The following CEP128 variants were observed in gnomAD, a reference collection of about 807,000 sequenced individuals.
CEP128 encodes centrosomal protein 128kDa.
A neutral mutation model predicts 156.7 loss-of-function variants in CEP128; 132 were observed. That is an observed-to-expected ratio of 0.84 (90% CI 0.73 to 0.97). The LOEUF is 0.97. Among genes scored for constraint, CEP128 ranks in the 50% least tolerant of loss-of-function variants. The probability of loss-of-function intolerance (pLI) is 0.00; values close to 1 mark genes in which losing one functional copy is unlikely to be tolerated. For synonymous variants in CEP128, 469 were observed against 448.9 expected (o/e 1.04, Z -0.57); for missense variants, 1,252 against 1,281.9 (o/e 0.98, Z 0.36).
chr14:80,921,962 A>C (rs934996300), intron 2 of CEP128, among the ~76,000 whole-genome samples: 14 of 109,368 alleles, frequency 1.3e-4, no homozygotes, highest in Non-Finnish European at 2.1e-4. Context: ...ACTCCATCCC[A>C]AAAAAAAAAA....
intron 19 of CEP128, among the ~76,000 whole-genome samples, chr14:80,596,102 A>G (rs184449281): frequency 1.3e-5 from 2 of 151,952 alleles, no homozygotes; most frequent in African/African-American, 2.4e-5. Flanking sequence ...CAGAACATAG[A>G]CAGAAAAAAA....
chr14:80,612,999 C>T (rs917500225), intron 19 of CEP128, among the ~76,000 whole-genome samples: 3 of 140,512 alleles, frequency 2.1e-5, no homozygotes, highest in South Asian at 2.5e-4. Flanking sequence ...CGCCGCCACA[C>T]CCGGCGAATT....
intron 19 of CEP128, among the ~76,000 whole-genome samples, chr14:80,584,352 GA>G (rs1156581940): frequency 6.6e-6 from 1 of 151,902 alleles, no homozygotes; most frequent in Non-Finnish European, 1.5e-5. Flanking sequence ...TACCATGTTA[GA>G]TGGGCTGGTC....
intron 19 of CEP128, among the ~76,000 whole-genome samples, chr14:80,673,671 A>AAAAAAT (rs1895944752): frequency 2.1e-5 from 3 of 146,002 alleles, no homozygotes; most frequent in Non-Finnish European, 3.0e-5. Flanking sequence ...AAAAAAAAAA[A>AAAAAAT]TGTACTAAAG....
rs192952877 is a variant in CEP128, at chr14:80,768,584, T to C, written c.2377-6971A>G. Reference sequence around the variant, plus strand: ...GGGGAAGAAGTTATGATTAATAGCGTTAAGAGTATGCAAGAGCCTTAGTAA... The same window carrying C: ...GGGGAAGAAGTTATGATTAATAGCGCTAAGAGTATGCAAGAGCCTTAGTAA... On this transcript the variant is annotated intron_variant, in intron 16 of 24. Coordinates refer to ENST00000555265, the MANE Select transcript of CEP128 (RefSeq NM_152446.5). Among the ~76,000 whole-genome samples, 4 of 152,282 alleles carry C rather than the reference T, an allele frequency of 2.6e-5. No homozygotes were observed. The East Asian group carries it at 7.7e-4, about 29-fold the overall frequency.
chr14:80,614,732 C>G (rs912770964), intron 19 of CEP128, among the ~76,000 whole-genome samples: 1 of 152,160 alleles, frequency 6.6e-6, no homozygotes, highest in African/African-American at 2.4e-5. Context: ...GTGTTATCTC[C>G]TCTAAATATT....
At chr14:80,940,120 T>C (rs1886062470) in intron 1 of CEP128, among the ~76,000 whole-genome samples, 1 of 151,962 alleles carries the variant, frequency 6.6e-6, no homozygotes, top group Admixed American at 6.6e-5. Context: ...GAACTGGGAG[T>C]TGTCTACATA....
rs137986253 is a variant in CEP128 at position 80,770,459 on chromosome 14, T to C, written c.2376+7423A>G. Among the ~76,000 whole-genome samples the C allele has an allele frequency of 6.9e-3, 1,055 of 152,290 alleles. 10 individuals are homozygous for C. Among genetic ancestry groups the C allele is most frequent in the African/African-American group, 0.024 (990 of 41,562 alleles). On this transcript the variant is annotated intron_variant, in intron 16 of 24. Transcript: ENST00000555265. Reference sequence around the variant, plus strand: ...TGCATTCTATACTGTTTTCTTAACATCTGACATTACATTTCATAAATGGGA... The same window carrying C: ...TGCATTCTATACTGTTTTCTTAACACCTGACATTACATTTCATAAATGGGA...
intron 6 of CEP128, among the ~76,000 whole-genome samples, chr14:80,901,730 T>C (rs1424393000): frequency 6.6e-6 from 1 of 152,206 alleles, no homozygotes; most frequent in Non-Finnish European, 1.5e-5. Context: ...TCAAGACCTT[T>C]CCATTTTATC....
At chr14:80,817,476 T>A (rs966539814) in intron 13 of CEP128, among the ~76,000 whole-genome samples, 1 of 152,100 alleles carries the variant, frequency 6.6e-6, no homozygotes, top group Admixed American at 6.6e-5. Context: ...AAGAAAAACA[T>A]TTTTTTAAAA....
At chr14:80,596,754 G>A (rs1298591887) in intron 19 of CEP128, among the ~76,000 whole-genome samples, 1 of 122,896 alleles carries the variant, frequency 8.1e-6, no homozygotes, top group Non-Finnish European at 1.6e-5. Context: ...GGAGTTGGTG[G>A]CTATGTTCTC....
downstream of CEP128, among the ~76,000 whole-genome samples, chr14:80,492,901 T>C (rs1887371912): frequency 6.6e-6 from 1 of 152,092 alleles, no homozygotes; most frequent in Non-Finnish European, 1.5e-5. Context: ...CCTCAGAATA[T>C]TTTTTTACTT....
downstream of CEP128, among the ~76,000 whole-genome samples, chr14:80,493,296 A>G (rs2044774): frequency 0.79 from 119,446 of 152,126 alleles, 49,082 homozygotes; most frequent in Middle Eastern, 0.9. Flanking sequence ...AAGTACAGGT[A>G]ATAAATATTG....
At chr14:80,641,832 T>G (rs1449049068) in intron 19 of CEP128, among the ~76,000 whole-genome samples, 4 of 151,948 alleles carry the variant, frequency 2.6e-5, no homozygotes, top group Admixed American at 2.0e-4. Flanking sequence ...AGACAAAATA[T>G]TATACAAAGA....
chr14:80,785,132 C>A lies in CEP128; in HGVS notation c.1974G>T (p.Lys658Asn). The A allele has an allele frequency of 6.2e-7, 1 of 1,614,122 alleles. No individual in the cohort carries two copies. Among genetic ancestry groups the A allele is most frequent in the Non-Finnish European group, 8.5e-7 (1 of 1,179,978 alleles). ...ANKLAEEERA[K>N]KAVLKDLSDL... The stretch of plus-strand genomic sequence containing the variant: ...CAGAAAGGTCCTTAAGCACTGCTTT[C>A]TTGGCTCTCTCTTCCTCAGCCAATT... The change falls in exon 15 of 25, where the codon AAG (lysine) becomes AAT (asparagine). Residue 658 changes from lysine (K) to asparagine (N), a missense_variant. Physicochemically the swap from Lys to Asn is moderately conservative, Grantham distance 94 (BLOSUM62 0). Coordinates refer to ENST00000555265, the MANE Select transcript of CEP128 (RefSeq NM_152446.5).
chr14:80,576,275 A>C (rs1891351474), intron 20 of CEP128, among the ~76,000 whole-genome samples: 1 of 152,176 alleles, frequency 6.6e-6, no homozygotes, highest in Admixed American at 6.6e-5. Flanking sequence ...TCTTGAGAGG[A>C]ATGAAAAAGG....
intron 19 of CEP128, among the ~76,000 whole-genome samples, chr14:80,731,629 A>G (rs1029725279): frequency 6.6e-6 from 1 of 152,126 alleles, no homozygotes; most frequent in Non-Finnish European, 1.5e-5. Flanking sequence ...AAAAAAGCAA[A>G]TCTATAATTT....
intron 20 of CEP128, among the ~76,000 whole-genome samples, chr14:80,568,730 A>T (rs1196253350): frequency 1.3e-5 from 2 of 152,160 alleles, no homozygotes; most frequent in Admixed American, 6.6e-5. Context: ...AAATGTAGCT[A>T]AACAATTTAA....
chr14:80,618,038 T>C (rs1471684632), intron 19 of CEP128, among the ~76,000 whole-genome samples: 1 of 152,210 alleles, frequency 6.6e-6, no homozygotes, highest in African/African-American at 2.4e-5. Flanking sequence ...GTAAAACACT[T>C]GGCTTACATC....
Sources: allele counts gnomAD v4.1 joint callset (sites outside exome capture counted in the v4.1 genomes callset), GRCh38; gene constraint gnomAD v4.1.1; transcripts MANE v1.5; gene names NCBI Gene and HGNC (gene_info 2026-07-23, HGNC 2026-07-21).